The following ADAMTSL3 variants were observed in gnomAD, a reference collection of about 807,000 sequenced individuals.
The protein encoded by ADAMTSL3 is ADAMTS like 3.
ADAMTSL3 carries 128 observed loss-of-function variants against 201.7 expected under a neutral mutation model. The observed-to-expected ratio is 0.63, with a 90% CI of 0.55 to 0.73. The LOEUF (loss-of-function observed/expected upper bound fraction) is 0.73. ADAMTSL3 is among the 30% of genes least tolerant of loss of function. ADAMTSL3 has a pLI of 0.00. For synonymous variants in ADAMTSL3, 738 were observed against 748.4 expected, an observed-to-expected ratio of 0.99 and a Z score of 0.23; for missense variants, 1,990 against 2,119.6, an observed-to-expected ratio of 0.94 and a Z score of 1.20.
intron 19 of ADAMTSL3, among the ~76,000 whole-genome samples, chr15:83,946,232 GACA>G (rs1555463607): frequency 4.6e-5 from 7 of 152,218 alleles, no homozygotes; most frequent in Non-Finnish European, 8.8e-5. Context: ...GGCTAGTGGT[GACA>G]TCACCACTTT....
At chr15:83,773,421 G>T in intron 3 of ADAMTSL3, 102 bp from the exon 4 acceptor site, 2 of 1,309,642 alleles carry the variant, frequency 1.5e-6, no homozygotes, top group Non-Finnish European at 2.1e-6. Context: ...AAAAAAAAAG[G>T]TGACTCTGGA....
At chr15:83,973,722 G>A (rs919167270) in intron 20 of ADAMTSL3, among the ~76,000 whole-genome samples, 6 of 151,872 alleles carry the variant, frequency 4.0e-5, no homozygotes, top group Admixed American at 1.3e-4. Flanking sequence ...GCATAATGTC[G>A]TGATTTTCCT....
intron 2 of ADAMTSL3, among the ~76,000 whole-genome samples, chr15:83,681,547 G>A (rs542643794): frequency 4.3e-4 from 65 of 152,212 alleles, no homozygotes; most frequent in Non-Finnish European, 8.1e-4. Context: ...CGGGATTAAT[G>A]TTAGGCAAAT....
At chr15:83,829,204 G>A (rs1432961622) in intron 6 of ADAMTSL3, among the ~76,000 whole-genome samples, 1 of 152,192 alleles carries the variant, frequency 6.6e-6, no homozygotes, top group Non-Finnish European at 1.5e-5. Context: ...CAATTTCAGA[G>A]CCTGTTATTG....
At position 83,870,939 on chromosome 15, in the gene ADAMTSL3, A is replaced by G. The variant is rs1489416460; in HGVS notation, c.940A>G (p.Met314Val). The G allele has an allele frequency of 1.2e-6, 2 of 1,613,418 alleles. No individual in the cohort carries two copies. Among genetic ancestry groups the G allele is most frequent in the Non-Finnish European group, 1.7e-6 (2 of 1,179,818 alleles). The change falls in exon 9 of 30, where the codon ATG becomes GTG. Residue 314 changes from methionine (M) to valine (V), a missense_variant. Met to Val is a conservative substitution (Grantham distance 21). Transcript: ENST00000286744. ...RQTFKIPGPL[M>V]ADFIFKTRYT... is the part of the protein sequence containing the mutation. ...AACTTTTAAGATTCCAGGACCTCTG[A>G]TGGCTGATTTCATCTTCAAGGTAGG...
intron 21 of ADAMTSL3, among the ~76,000 whole-genome samples, chr15:83,984,429 T>C (rs1400328433): frequency 6.6e-6 from 1 of 152,228 alleles, no homozygotes; most frequent in Admixed American, 6.5e-5. Flanking sequence ...AGAAAAAATC[T>C]AATTTTTGAA....
intron 3 of ADAMTSL3, among the ~76,000 whole-genome samples, chr15:83,733,283 G>T (rs1392163758): frequency 1.3e-5 from 2 of 152,170 alleles, no homozygotes; most frequent in Non-Finnish European, 2.9e-5. Flanking sequence ...GAGCCCAGCA[G>T]GGGAAATGAA....
chr15:83,898,041 G>A, intron 14 of ADAMTSL3, 36 bp downstream of exon 14: 1 of 1,568,224 alleles, frequency 6.4e-7, no homozygotes, highest in Non-Finnish European at 8.7e-7. Context: ...CAAATCAAAT[G>A]GTATTTTCCA....
intron 8 of ADAMTSL3, among the ~76,000 whole-genome samples, chr15:83,868,710 A>G (rs995237361): frequency 2.0e-5 from 3 of 152,232 alleles, no homozygotes; most frequent in African/African-American, 7.2e-5. Context: ...AAAATATTTT[A>G]CAATAAGCGT....
At chr15:83,936,190 TCA>T (rs2066457236) in intron 17 of ADAMTSL3, among the ~76,000 whole-genome samples, 1 of 151,968 alleles carries the variant, frequency 6.6e-6, no homozygotes, top group South Asian at 2.1e-4. Flanking sequence ...CTTGTAAAAC[TCA>T]GAGAGATTGA....
At chr15:83,929,513 C>T (rs1039866172) in intron 17 of ADAMTSL3, among the ~76,000 whole-genome samples, 9 of 152,134 alleles carry the variant, frequency 5.9e-5, no homozygotes, top group African/African-American at 1.9e-4. Context: ...TAATGACCTC[C>T]TCTTGATCAT....
chr15:84,033,015 A>T (rs1278503232), intron 28 of ADAMTSL3, among the ~76,000 whole-genome samples: 2 of 152,138 alleles, frequency 1.3e-5, no homozygotes, highest in Non-Finnish European at 2.9e-5. Context: ...ATGGATGAAA[A>T]TTTATCTCAT....
chr15:83,985,226 A>G (rs1360419164), intron 21 of ADAMTSL3, among the ~76,000 whole-genome samples: 2 of 151,992 alleles, frequency 1.3e-5, no homozygotes, highest in African/African-American at 2.4e-5. Context: ...ATCACCGTGT[A>G]TCTCATAAAA....
At position 84,014,721 on chromosome 15, in the gene ADAMTSL3, C is replaced by T; in HGVS notation, c.4153C>T (p.Leu1385=). ...KAVATSVLHL[L]ERRWPESRIV... ...AGTGGCAACATCTGTACTCCACTTG[C>T]TGGGTAAGTGTCAAATTCTTATTGC... The change falls in exon 24 of 30, where the codon CTG becomes TTG. Residue 1385 remains leucine, a synonymous_variant. Coordinates refer to ENST00000286744, the MANE Select transcript of ADAMTSL3 (RefSeq NM_207517.3). The T allele has an allele frequency of 6.2e-7, 1 of 1,608,974 alleles. No homozygotes were observed. Among genetic ancestry groups the T allele is most frequent in the Non-Finnish European group, 8.5e-7 (1 of 1,178,202 alleles).
intron 3 of ADAMTSL3, among the ~76,000 whole-genome samples, chr15:83,767,241 A>G (rs2062907182): frequency 6.6e-6 from 1 of 152,212 alleles, no homozygotes; most frequent in South Asian, 2.1e-4. Context: ...AAGTACTGGC[A>G]GGCAGTACTC....
At chr15:84,022,015 G>C (rs1032316104) in intron 26 of ADAMTSL3, among the ~76,000 whole-genome samples, 15 of 152,166 alleles carry the variant, frequency 9.9e-5, no homozygotes, top group African/African-American at 3.1e-4. Context: ...CTCTAGACTT[G>C]ATCCCTGGAG....
intron 23 of ADAMTSL3, among the ~76,000 whole-genome samples, chr15:83,998,348 C>T (rs1384078326): frequency 2.6e-5 from 4 of 152,102 alleles, no homozygotes; most frequent in Admixed American, 2.6e-4. Context: ...ACTCGGGAGG[C>T]TGAGGTTCAA....
chr15:83,938,065 A>T (rs1596441665), intron 17 of ADAMTSL3, among the ~76,000 whole-genome samples: 1 of 147,368 alleles, frequency 6.8e-6, no homozygotes, highest in Non-Finnish European at 1.5e-5. Context: ...AATCTAAAAA[A>T]GTTTATTGAC....
At chr15:83,818,549 G>A (rs1448533554) in intron 5 of ADAMTSL3, among the ~76,000 whole-genome samples, 1 of 152,132 alleles carries the variant, frequency 6.6e-6, no homozygotes, top group African/African-American at 2.4e-5. Flanking sequence ...CTGGTCTGGA[G>A]CTCCTGACCT....
Sources: allele counts gnomAD v4.1 joint callset (sites outside exome capture counted in the v4.1 genomes callset), GRCh38; gene constraint gnomAD v4.1.1; transcripts MANE v1.5; gene names NCBI Gene and HGNC (gene_info 2026-07-23, HGNC 2026-07-21).